The following L3MBTL4 variants were observed in gnomAD, a reference collection of about 807,000 sequenced individuals.
The protein encoded by L3MBTL4 is L3MBTL histone methyl-lysine binding protein 4.
Under a neutral mutation model 84.5 loss-of-function variants are expected in L3MBTL4, and 70 were observed. The observed-to-expected ratio is 0.83, with a 90% CI of 0.68 to 1.01. The LOEUF is 1.01. Ranked by LOEUF, L3MBTL4 falls within the 50% of genes least tolerant of loss-of-function variation. The probability of loss-of-function intolerance (pLI) is 0.00; values close to 1 mark genes in which losing one functional copy is unlikely to be tolerated. For missense variants in L3MBTL4, 715 were observed against 754.8 expected (o/e 0.95, Z 0.62); for synonymous variants, 274 against 259.8 (o/e 1.05, Z -0.52).
rs142015121 is a variant in L3MBTL4 at position 5,983,135 on chromosome 18, G to A, written c.1445-13573C>T. Among the ~76,000 whole-genome samples the A allele has an allele frequency of 3.1e-3, 468 of 152,290 alleles. 5 individuals are homozygous for A. The highest frequency in any genetic ancestry group is 0.02 in the Admixed American group (309 of 15,294). ...CACAGTCTTGTAAATTAAGGCCTTC[G>A]TTTCCAGCATGAAGGAAACTCCTTA... On this transcript the variant is annotated intron_variant, in intron 16 of 18. Transcript: ENST00000317931.
At chr18:6,303,001 T>A (rs1365273073) in intron 3 of L3MBTL4, among the ~76,000 whole-genome samples, 1 of 149,576 alleles carries the variant, frequency 6.7e-6, no homozygotes, top group African/African-American at 2.5e-5. Context: ...AAAAAAAAAA[T>A]TGTAATAATT....
At chr18:6,082,161 C>T (rs1365260892) in intron 15 of L3MBTL4, among the ~76,000 whole-genome samples, 6 of 152,004 alleles carry the variant, frequency 3.9e-5, no homozygotes, top group Admixed American at 3.9e-4. Context: ...CTGGGTTGTT[C>T]AGAGCAACTA....
chr18:6,406,474 A>G (rs1418057162), intron 1 of L3MBTL4, among the ~76,000 whole-genome samples: 1 of 152,230 alleles, frequency 6.6e-6, no homozygotes, highest in African/African-American at 2.4e-5. Context: ...TGAGCCTGGA[A>G]ACATTGCATA....
chr18:6,401,040 C>T (rs1024819004), intron 1 of L3MBTL4, among the ~76,000 whole-genome samples: 1 of 152,098 alleles, frequency 6.6e-6, no homozygotes, highest in African/African-American at 2.4e-5. Flanking sequence ...CTCACACTTC[C>T]ATCTCCCATC....
rs991456894 is a variant in L3MBTL4 at position 6,233,464 on chromosome 18, C to G, written c.784+4500G>C. 5.9e-4 allele frequency among the ~76,000 whole-genome samples: 89 copies of G among 150,034 alleles called. 8 individuals carry two copies. Among genetic ancestry groups the G allele is most frequent in the Middle Eastern group, 6.8e-3 (2 of 292 alleles). On this transcript the variant is annotated intron_variant, in intron 10 of 18. Transcript: ENST00000317931. ...ATCTCCTTAAGCTGACAAGCAACTTCAGCAAAGTCTCAGAATACAAAATAA... is the reference window on the plus strand; with the variant it reads ...ATCTCCTTAAGCTGACAAGCAACTTGAGCAAAGTCTCAGAATACAAAATAA...
intron 12 of L3MBTL4, among the ~76,000 whole-genome samples, chr18:6,173,210 C>T (rs200859086): frequency 6.6e-5 from 10 of 152,134 alleles, no homozygotes; most frequent in Non-Finnish European, 1.3e-4. Flanking sequence ...TGACAGAGTG[C>T]CCTTTCATAG....
intron 1 of L3MBTL4, among the ~76,000 whole-genome samples, chr18:6,333,133 G>A (rs1191219754): frequency 6.6e-6 from 1 of 151,706 alleles, no homozygotes; most frequent in Non-Finnish European, 1.5e-5. Flanking sequence ...AAAAACATAT[G>A]GCATTTAAAA....
At chr18:6,345,228 A>G (rs1371892732) in intron 1 of L3MBTL4, among the ~76,000 whole-genome samples, 23 of 129,434 alleles carry the variant, frequency 1.8e-4, no homozygotes, top group African/African-American at 6.1e-4. Flanking sequence ...AAAAAAAAAA[A>G]AAAAAAAAGA....
chr18:6,300,905 T>C (rs1457782403), intron 4 of L3MBTL4, among the ~76,000 whole-genome samples: 1 of 152,182 alleles, frequency 6.6e-6, no homozygotes, highest in Non-Finnish European at 1.5e-5. Flanking sequence ...GTTATATAAT[T>C]ATCAAACTAC....
chr18:6,124,845 T>C (rs943470187), intron 14 of L3MBTL4, among the ~76,000 whole-genome samples: 11 of 152,194 alleles, frequency 7.2e-5, no homozygotes, highest in Non-Finnish European at 1.0e-4. Context: ...AAAAATTGTT[T>C]GTGTTCCTTT....
intron 13 of L3MBTL4, among the ~76,000 whole-genome samples, chr18:6,139,276 A>G (rs2060122983): frequency 6.6e-6 from 1 of 152,146 alleles, no homozygotes; most frequent in Admixed American, 6.5e-5. Flanking sequence ...GCTACAGTGT[A>G]CTATATACTA....
At chr18:6,233,430 C>T (rs1393374419) in intron 10 of L3MBTL4, among the ~76,000 whole-genome samples, 1 of 149,820 alleles carries the variant, frequency 6.7e-6, no homozygotes, top group African/African-American at 2.6e-5. Flanking sequence ...CCTATCATCT[C>T]AGCCCAAAAT....
intron 10 of L3MBTL4, among the ~76,000 whole-genome samples, chr18:6,236,242 G>A (rs1027141265): frequency 9.9e-5 from 15 of 152,128 alleles, no homozygotes; most frequent in African/African-American, 3.1e-4. Flanking sequence ...TTGGACATAC[G>A]AACCAATGAA....
chr18:6,323,003 C>T (rs1051016133), intron 1 of L3MBTL4, among the ~76,000 whole-genome samples: 9 of 152,008 alleles, frequency 5.9e-5, no homozygotes, highest in Admixed American at 1.3e-4. Flanking sequence ...TCATGAGATA[C>T]GATTGTTTAA....
At chr18:6,290,715 A>AC (rs1435443166) in intron 4 of L3MBTL4, among the ~76,000 whole-genome samples, 1 of 151,856 alleles carries the variant, frequency 6.6e-6, no homozygotes, top group African/African-American at 2.4e-5. Context: ...TTTAGTAGAG[A>AC]CAGGGTTTCA....
intron 13 of L3MBTL4, among the ~76,000 whole-genome samples, chr18:6,152,072 A>G (rs1197831989): frequency 6.6e-6 from 1 of 152,146 alleles, no homozygotes; most frequent in Non-Finnish European, 1.5e-5. Flanking sequence ...CTTTCTTTTT[A>G]TGGATGAAAA....
intron 12 of L3MBTL4, among the ~76,000 whole-genome samples, chr18:6,206,598 T>A (rs537709457): frequency 6.6e-6 from 1 of 152,324 alleles, no homozygotes; most frequent in East Asian, 1.9e-4. Flanking sequence ...ATTGGTATGC[T>A]GACTTTAATA....
chr18:6,243,750 C>A (rs937975517), intron 6 of L3MBTL4, among the ~76,000 whole-genome samples: 1 of 152,322 alleles, frequency 6.6e-6, no homozygotes, highest in African/African-American at 2.4e-5. Flanking sequence ...ATATTCCCTT[C>A]AGCAACCCTA....
intron 16 of L3MBTL4, among the ~76,000 whole-genome samples, chr18:5,995,132 C>T (rs187523565): frequency 6.6e-6 from 1 of 152,272 alleles, no homozygotes; most frequent in South Asian, 2.1e-4. Flanking sequence ...AGGAGGGCTA[C>T]GTGTTTGATG....
Sources: allele counts gnomAD v4.1 joint callset (sites outside exome capture counted in the v4.1 genomes callset), GRCh38; gene constraint gnomAD v4.1.1; transcripts MANE v1.5; gene names NCBI Gene and HGNC (gene_info 2026-07-23, HGNC 2026-07-21).